The following GPR158 variants were observed in gnomAD, a reference collection of about 807,000 sequenced individuals.
GPR158 encodes metabotropic glycine receptor.
In GPR158, 30 loss-of-function variants were observed where a neutral mutation model predicts 78.2. The observed-to-expected ratio is 0.38, with a 90% CI of 0.29 to 0.52. The LOEUF (loss-of-function observed/expected upper bound fraction) is 0.52. Among genes scored for constraint, GPR158 ranks in the 20% least tolerant of loss-of-function variants. The probability of loss-of-function intolerance (pLI) is 0.83; values close to 1 mark genes in which losing one functional copy is unlikely to be tolerated. For missense variants in GPR158, 1,463 were observed against 1,523.5 expected (o/e 0.96, Z 0.66); for synonymous variants, 581 against 591.1 (o/e 0.98, Z 0.25).
chr10:25,565,150 G>T (rs1213548956), intron 6 of GPR158, among the ~76,000 whole-genome samples: 4 of 152,058 alleles, frequency 2.6e-5, no homozygotes, highest in Admixed American at 6.6e-5. Context: ...ACTTTTTCTT[G>T]TTGGTCATAA....
chr10:25,547,676 G>T (rs903336847), intron 5 of GPR158, among the ~76,000 whole-genome samples: 2 of 152,274 alleles, frequency 1.3e-5, no homozygotes, highest in South Asian at 2.1e-4. Flanking sequence ...GAGGCAGGAT[G>T]ACATCATTGT....
intron 1 of GPR158, among the ~76,000 whole-genome samples, chr10:25,190,024 A>C (rs891511337): frequency 1.3e-5 from 2 of 152,050 alleles, no homozygotes; most frequent in African/African-American, 4.8e-5. Flanking sequence ...TTTTACATGA[A>C]GCTCCATTTA....
intron 1 of GPR158, among the ~76,000 whole-genome samples, chr10:25,185,403 G>T (rs1852668873): frequency 6.6e-6 from 1 of 152,168 alleles, no homozygotes; most frequent in Non-Finnish European, 1.5e-5. Context: ...ATTTACATTG[G>T]TATGTCATCA....
rs539528254 is a variant in GPR158 at position 25,186,719 on chromosome 10, A to G, written c.902+10397A>G. 5.3e-5 allele frequency among the ~76,000 whole-genome samples: 8 copies of G among 152,312 alleles called. No homozygotes were observed. In the South Asian group the frequency reaches 1.7e-3, roughly 32 times the overall value. On this transcript the variant is annotated intron_variant, in intron 1 of 10. Coordinates refer to ENST00000376351, the MANE Select transcript of GPR158 (RefSeq NM_020752.3). The stretch of plus-strand genomic sequence containing the variant: ...AGACCAATAACAGGCTCTGAAATTG[A>G]GGCAATAATTAATAGCCTATCAACC...
chr10:25,333,470 G>C (rs1281786823), intron 2 of GPR158, among the ~76,000 whole-genome samples: 1 of 152,086 alleles, frequency 6.6e-6, no homozygotes, highest in Non-Finnish European at 1.5e-5. Flanking sequence ...CTTTAGAAGA[G>C]TTTAAAAGGA....
chr10:25,274,822 GT>G (rs1177730908), intron 2 of GPR158, among the ~76,000 whole-genome samples: 1 of 152,142 alleles, frequency 6.6e-6, no homozygotes, highest in Non-Finnish European at 1.5e-5. Flanking sequence ...AGTGAATTAA[GT>G]CCCAGTTGTA....
At chr10:25,278,404 A>T (rs931342638) in intron 2 of GPR158, among the ~76,000 whole-genome samples, 23 of 152,180 alleles carry the variant, frequency 1.5e-4, no homozygotes, top group Non-Finnish European at 3.1e-4. Context: ...GATGAAAAAT[A>T]TGAGCGATTA....
At chr10:25,592,725 G>A (rs376397726) in intron 8 of GPR158, among the ~76,000 whole-genome samples, 63 of 151,860 alleles carry the variant, frequency 4.1e-4, no homozygotes, top group African/African-American at 1.4e-3. Context: ...TGCATTTAAG[G>A]TGGAATTCTC....
intron 7 of GPR158, among the ~76,000 whole-genome samples, chr10:25,577,428 C>G (rs1462398857): frequency 7.1e-6 from 1 of 141,428 alleles, no homozygotes; most frequent in Non-Finnish European, 1.6e-5. Context: ...AGAGTTCGTT[C>G]AGAAAAAAAG....
At chr10:25,207,710 T>C (rs989293707) in intron 1 of GPR158, among the ~76,000 whole-genome samples, 5 of 152,088 alleles carry the variant, frequency 3.3e-5, no homozygotes, top group Non-Finnish European at 5.9e-5. Flanking sequence ...GACCAAGGGG[T>C]TGAGGGACTC....
chr10:25,341,662 T>C (rs1855303827), intron 2 of GPR158, among the ~76,000 whole-genome samples: 1 of 151,976 alleles, frequency 6.6e-6, no homozygotes, highest in South Asian at 2.1e-4. Context: ...TATTATCTTT[T>C]TGGCATAAGC....
chr10:25,400,656 G>T (rs1262445648), intron 3 of GPR158, among the ~76,000 whole-genome samples: 1 of 152,162 alleles, frequency 6.6e-6, no homozygotes, highest in East Asian at 1.9e-4. Flanking sequence ...TCCCTTCCAG[G>T]TTGATGAAAC....
intron 5 of GPR158, among the ~76,000 whole-genome samples, chr10:25,549,714 G>A (rs149427282): frequency 0.015 from 2,286 of 152,052 alleles, 27 homozygotes; most frequent in Admixed American, 0.021. Context: ...CATTCCTTGA[G>A]AACTTAATGT....
At chr10:25,378,135 G>T (rs968842604) in intron 2 of GPR158, among the ~76,000 whole-genome samples, 1 of 152,054 alleles carries the variant, frequency 6.6e-6, no homozygotes, top group Non-Finnish European at 1.5e-5. Flanking sequence ...CAAAATAAAT[G>T]CAGAATAGTG....
chr10:25,215,305 T>C (rs962351979), intron 1 of GPR158, among the ~76,000 whole-genome samples: 1 of 152,156 alleles, frequency 6.6e-6, no homozygotes, highest in Non-Finnish European at 1.5e-5. Flanking sequence ...ATGAGGAACC[T>C]AGAGTAGTTA....
chr10:25,338,407 A>G (rs1855242154), intron 2 of GPR158, among the ~76,000 whole-genome samples: 1 of 135,434 alleles, frequency 7.4e-6, no homozygotes, highest in African/African-American at 3.2e-5. Context: ...ATTATTATAT[A>G]TAACGTATTA....
intron 5 of GPR158, among the ~76,000 whole-genome samples, chr10:25,510,913 G>A (rs1427456381): frequency 6.6e-6 from 1 of 152,154 alleles, no homozygotes; most frequent in African/African-American, 2.4e-5. Flanking sequence ...TTCACAGTAT[G>A]TATAAACCAC....
intron 5 of GPR158, among the ~76,000 whole-genome samples, chr10:25,517,668 T>G (rs1201544136): frequency 6.6e-6 from 1 of 152,002 alleles, no homozygotes; most frequent in African/African-American, 2.4e-5. Flanking sequence ...ATATGCTGGA[T>G]TACATTTATT....
At chr10:25,239,451 A>G (rs1853574461) in intron 2 of GPR158, among the ~76,000 whole-genome samples, 1 of 152,076 alleles carries the variant, frequency 6.6e-6, no homozygotes, top group African/African-American at 2.4e-5. Context: ...TGCTAAAAAT[A>G]CAAAAAATGA....
Sources: allele counts gnomAD v4.1 joint callset (sites outside exome capture counted in the v4.1 genomes callset), GRCh38; gene constraint gnomAD v4.1.1; transcripts MANE v1.5; gene names NCBI Gene and HGNC (gene_info 2026-07-23, HGNC 2026-07-21).